TIMELESS: variants seen among roughly 807,000 people sequenced by gnomAD.
The protein encoded by TIMELESS is protein timeless homolog.
TIMELESS carries 124 observed loss-of-function variants against 164.3 expected under a neutral mutation model. The observed-to-expected ratio is 0.75, with a 90% CI of 0.65 to 0.88. The LOEUF (loss-of-function observed/expected upper bound fraction) is 0.88, where lower values mean the gene tolerates loss of function less well. Ranked by LOEUF, TIMELESS falls within the 40% of genes least tolerant of loss-of-function variation. TIMELESS has a pLI of 0.00. For synonymous variants in TIMELESS, 564 were observed against 563.4 expected (o/e 1.00, Z -0.02); for missense variants, 1,422 against 1,491.4 (o/e 0.95, Z 0.77).
chr12:56,433,012 C>G lies in TIMELESS; in HGVS notation c.531+14G>C, dbSNP rs368559362. The G allele has an allele frequency of 5.1e-4, 797 of 1,571,260 alleles. 10 individuals are homozygous for G. The South Asian group carries it at 8.2e-3, about 16-fold the overall frequency. On this transcript the variant is annotated intron_variant, in intron 6 of 28. Coordinates refer to ENST00000553532, the MANE Select transcript of TIMELESS (RefSeq NM_003920.5). Reference sequence around the variant, plus strand: ...TAACCATGCACAAGAACACAGAACACCCAAGACCCTCACCTTCTCCTGATC... The same window carrying G: ...TAACCATGCACAAGAACACAGAACAGCCAAGACCCTCACCTTCTCCTGATC...
At chr12:56,448,035 C>T (rs11171856) in intron 1 of TIMELESS, among the ~76,000 whole-genome samples, 65,455 of 151,934 alleles carry the variant, frequency 0.43, 14,597 homozygotes, top group Non-Finnish European at 0.46. Context: ...CACCCACCTA[C>T]GGATTTAAGG....
At chr12:56,424,324 T>C (rs1345390732) in intron 15 of TIMELESS, among the ~76,000 whole-genome samples, 1 of 152,206 alleles carries the variant, frequency 6.6e-6, no homozygotes, top group African/African-American at 2.4e-5. Flanking sequence ...TCTGGATGGT[T>C]ACTCATCAAA....
chr12:56,433,670 A>G lies in TIMELESS; in HGVS notation c.252-18T>C, dbSNP rs1446511021. 2.5e-6 allele frequency: 4 copies of G among 1,613,956 alleles called. No individual in the cohort carries two copies. The highest frequency in any genetic ancestry group is 3.4e-6 in the Non-Finnish European group (4 of 1,179,896). ...CCATCAGTCTGGGAGACAATGAAGG[A>G]GGGAGAAGTTGTTAAGTTTCTTTAC... On this transcript the variant is annotated intron_variant, in intron 3 of 28. Coordinates refer to ENST00000553532, the MANE Select transcript of TIMELESS (RefSeq NM_003920.5).
chr12:56,441,322 C>T (rs1043694789), intron 1 of TIMELESS, among the ~76,000 whole-genome samples: 1 of 152,132 alleles, frequency 6.6e-6, no homozygotes, highest in African/African-American at 2.4e-5. Flanking sequence ...CAGTGCTGAG[C>T]ACAAAGTAAG....
Position 56,430,883 on chromosome 12 carries a change from T to C in TIMELESS, c.907A>G (p.Asn303Asp), listed in dbSNP as rs1881852782. ...ACTCCAGATGTAAGAATACTCACGT[T>C]GTGAAGGCCTTTGTGAAAGATGAGG... ...RDLIFHKGLH[N>D]LRNYSSDLGK... Residue 303 changes from asparagine (N) to aspartate (D), a missense_variant and splice_region_variant, in exon 9 of 29, where the codon AAC becomes GAC. By Grantham distance (23) the Asn-to-Asp change is conservative. Coordinates refer to ENST00000553532, the MANE Select transcript of TIMELESS (RefSeq NM_003920.5). 1 of 1,592,204 alleles carries C rather than the reference T, an allele frequency of 6.3e-7. No individual in the cohort carries two copies. Among genetic ancestry groups the C allele is most frequent in the Non-Finnish European group, 8.6e-7 (1 of 1,166,784 alleles).
At position 56,428,910 on chromosome 12, in the gene TIMELESS, C is replaced by T. The variant is rs151045363; in HGVS notation, c.1277G>A (p.Arg426His). The change falls in exon 11 of 29, where the codon CGC (arginine) becomes CAC (histidine). Residue 426 changes from arginine (R) to histidine (H), a missense_variant. By Grantham distance (29) the Arg-to-His change is conservative. Transcript: ENST00000553532. The stretch of plus-strand genomic sequence containing the variant: ...GCGTGCCCAGGAGGCAGCTTCCTTG[C>T]GGTCAGTCAGCATCATCTCATAGTA... ...TNYYEMMLTD[R>H]KEAASWARRM... 301 of 1,613,830 alleles carry T rather than the reference C, an allele frequency of 1.9e-4. No homozygotes were observed. The highest frequency in any genetic ancestry group is 2.4e-4 in the Non-Finnish European group (285 of 1,180,034).
At chr12:56,426,750 G>A (rs1157592425) in intron 13 of TIMELESS, among the ~76,000 whole-genome samples, 1 of 151,994 alleles carries the variant, frequency 6.6e-6, no homozygotes, top group Non-Finnish European at 1.5e-5. Flanking sequence ...AGTAGAGACA[G>A]GGTTTCACCA....
chr12:56,439,015 A>C (rs113050599), intron 1 of TIMELESS, among the ~76,000 whole-genome samples: 1 of 151,294 alleles, frequency 6.6e-6, no homozygotes, highest in East Asian at 1.9e-4. Context: ...AATACAAAAA[A>C]ATTAGCTGGG....
At chr12:56,433,695 C>T in intron 3 of TIMELESS, 43 bp from the exon 4 acceptor site, 2 of 1,613,678 alleles carry the variant, frequency 1.2e-6, no homozygotes, top group Non-Finnish European at 1.7e-6. Flanking sequence ...AGTTTCTTTA[C>T]CAGCTCAAAC....
rs769376606 is a variant in TIMELESS at position 56,434,188 on chromosome 12, AAC to A, written c.-20_-19del. On this transcript the variant is annotated 5_prime_UTR_variant, in exon 2 of 29. Coordinates refer to ENST00000553532, the MANE Select transcript of TIMELESS (RefSeq NM_003920.5). ...AAGTCCATACATCAGTGGACCAACC[AAC>A]AGAGAAGGAAGTGGAGAAACAGGAG... 6.3e-6 allele frequency: 10 copies of A among 1,595,664 alleles called. No individual in the cohort carries two copies. The African/African-American group carries it at 1.3e-4, about 21-fold the overall frequency.
At chr12:56,434,589 T>C (rs922604493) in intron 1 of TIMELESS, among the ~76,000 whole-genome samples, 1 of 151,956 alleles carries the variant, frequency 6.6e-6, no homozygotes, top group East Asian at 1.9e-4. Flanking sequence ...AATACAAAAT[T>C]AGCCGGGCGT....
At position 56,425,830 on chromosome 12, in the gene TIMELESS, C is replaced by G. The variant is rs1881657954; in HGVS notation, c.1579-678G>C. Among the ~76,000 whole-genome samples the G allele has an allele frequency of 2.0e-5, 3 of 151,982 alleles. No individual in the cohort carries two copies. In the South Asian group the frequency reaches 6.2e-4, roughly 32 times the overall value. On this transcript the variant is annotated intron_variant, in intron 13 of 28. Coordinates refer to ENST00000553532, the MANE Select transcript of TIMELESS (RefSeq NM_003920.5). Reference sequence around the variant, plus strand: ...GGAGAGGTTGCAGTGAGCTGAGATTCAGCCACTGCACTCCAGCTTAGGTAA... The same window carrying G: ...GGAGAGGTTGCAGTGAGCTGAGATTGAGCCACTGCACTCCAGCTTAGGTAA...
At chr12:56,418,100 G>A (rs145426276) in intron 27 of TIMELESS, 34 bp downstream of exon 27, 121 of 1,612,898 alleles carry the variant, frequency 7.5e-5, no homozygotes, top group Non-Finnish European at 8.9e-5. Flanking sequence ...TGGCTGACAC[G>A]TTAATACTCA....
Position 56,428,911 on chromosome 12 carries a change from G to A in TIMELESS, c.1276C>T (p.Arg426Cys), listed in dbSNP as rs142407260. The change falls in exon 11 of 29, where the codon CGC (arginine) becomes TGC (cysteine). Residue 426 changes from arginine to cysteine, a missense_variant. Arg to Cys is a radical substitution (Grantham distance 180, BLOSUM62 -3). Coordinates refer to ENST00000553532, the MANE Select transcript of TIMELESS (RefSeq NM_003920.5). ...CGTGCCCAGGAGGCAGCTTCCTTGC[G>A]GTCAGTCAGCATCATCTCATAGTAG... The part of the protein sequence containing the change: ...TNYYEMMLTD[R>C]KEAASWARRM... 49 of 1,613,818 alleles carry A rather than the reference G, an allele frequency of 3.0e-5. No individual in the cohort carries two copies. The highest frequency in any genetic ancestry group is 3.6e-5 in the Non-Finnish European group (43 of 1,180,018).
At chr12:56,429,497 CTTTTTTTTTTTT>C (rs35987061) in intron 10 of TIMELESS, among the ~76,000 whole-genome samples, 3 of 50,084 alleles carry the variant, frequency 6.0e-5, no homozygotes, top group Admixed American at 2.9e-4. Context: ...TGCGCCTGGT[CTTTTTTTTTTTT>C]TTTTTTTTTT....
rs941020359 is a variant in TIMELESS at position 56,418,333 on chromosome 12, C to T, written c.3255G>A (p.Lys1085=). The T allele has an allele frequency of 3.1e-6, 5 of 1,611,812 alleles. No homozygotes were observed. The highest frequency in any genetic ancestry group is 3.4e-6 in the Non-Finnish European group (4 of 1,178,994). ...GQETFWRIPA[K]LSPTQLRRAA... is the part of the protein sequence containing the mutation. The stretch of plus-strand genomic sequence containing the variant: ...CCCTCCGGAGCTGGGTAGGACTCAG[C>T]TTGGCTGGAATTCGCCAGAAGGTTT... The change falls in exon 27 of 29, where the codon AAG becomes AAA. Residue 1085 remains lysine, a synonymous_variant. Coordinates refer to ENST00000553532, the MANE Select transcript of TIMELESS (RefSeq NM_003920.5).
At chr12:56,421,643 T>A in intron 22 of TIMELESS, 84 bp downstream of exon 22, 4 of 1,554,514 alleles carry the variant, frequency 2.6e-6, no homozygotes, top group Non-Finnish European at 3.5e-6. Context: ...GGAGAATCTT[T>A]CCTTGGGAAT....
At position 56,418,373 on chromosome 12, in the gene TIMELESS, A is replaced by G; in HGVS notation, c.3229-14T>C. ...CCAGAAGGTTTCCTACAGGGGCCAAAAAGTTGAAAAGGGAAAGGACCAGCT... is the reference window on the plus strand; with the variant it reads ...CCAGAAGGTTTCCTACAGGGGCCAAGAAGTTGAAAAGGGAAAGGACCAGCT... On this transcript the variant is annotated splice_polypyrimidine_tract_variant and intron_variant, in intron 26 of 28. Coordinates refer to ENST00000553532, the MANE Select transcript of TIMELESS (RefSeq NM_003920.5). 6.3e-7 allele frequency: 1 copy of G among 1,583,138 alleles called. No homozygotes were observed.
rs1565686644 is a variant in TIMELESS, at chr12:56,435,957, T to TAAAAAA, written c.-61-1727_-61-1726insTTTTTT. 6.9e-5 allele frequency among the ~76,000 whole-genome samples: 6 copies of TAAAAAA among 86,452 alleles called. 2 individuals carry two copies. Among genetic ancestry groups the TAAAAAA allele is most frequent in the Non-Finnish European group, 1.0e-4 (4 of 38,338 alleles). 56.7% of individuals were successfully genotyped at this position (86,452 alleles called of 152,430 possible). A position where few individuals can be genotyped will look rare whatever the true frequency, so the allele number is the denominator to read the frequency against. ...CTGGGCGACAGAGCGAGACTCCGTC[T>TAAAAAA]TAAAAAAAAAAAAAAAAAAGAAACA... On this transcript the variant is annotated intron_variant, in intron 1 of 28. Coordinates refer to ENST00000553532, the MANE Select transcript of TIMELESS (RefSeq NM_003920.5).
Sources: gnomAD v4.1 joint callset for allele counts (sites outside exome capture counted in the v4.1 genomes callset) on GRCh38, gnomAD v4.1.1 for gene constraint, MANE v1.5 for transcripts, NCBI Gene and HGNC (gene_info 2026-07-23, HGNC 2026-07-21) for gene names.